The following PADI6 variants were observed in gnomAD, a reference collection of about 807,000 sequenced individuals.
PADI6 encodes the protein peptidyl arginine deiminase 6.
Under a neutral mutation model 78.2 loss-of-function variants are expected in PADI6, and 66 were observed. The ratio of observed to expected loss-of-function variants is 0.84; its 90% confidence interval spans 0.69 to 1.04. The LOEUF (loss-of-function observed/expected upper bound fraction) is 1.04, where lower values mean the gene tolerates loss of function less well. Ranked by LOEUF, PADI6 falls within the 50% of genes least tolerant of loss-of-function variation. The pLI is 0.00. For synonymous variants in PADI6, 397 were observed against 346.9 expected (o/e 1.14, Z -1.60); for missense variants, 854 against 866.1 (o/e 0.99, Z 0.18).
chr1:17,387,094 G>GA (rs541340775), intron 6 of PADI6, among the ~76,000 whole-genome samples: 243 of 152,372 alleles, frequency 1.6e-3, no homozygotes, highest in African/African-American at 5.6e-3. Context: ...GGCCAGGAAA[G>GA]AGGAAGTTCG....
At position 17,401,583 on chromosome 1, in the gene PADI6, G is replaced by A. The variant is rs923845311; in HGVS notation, c.*145G>A. ...TCCCTGTCTGCCCCGACCGACCCTC[G>A]GACCCAGTAGGATGGCAAATGCCGC... On this transcript the variant is annotated 3_prime_UTR_variant, in exon 16 of 16. Transcript: ENST00000619609. 43 of 724,324 alleles carry A rather than the reference G, an allele frequency of 5.9e-5. No individual in the cohort carries two copies. The highest frequency in any genetic ancestry group is 8.0e-5 in the Non-Finnish European group (36 of 447,920). 44.9% of individuals were successfully genotyped at this position (724,324 alleles called of 1,614,324 possible).
chr1:17,381,165 G>GT lies in PADI6; in HGVS notation c.553+2dup. On this transcript the variant is annotated splice_donor_variant, in intron 5 of 15. Coordinates refer to ENST00000619609, the MANE Select transcript of PADI6 (RefSeq NM_207421.4). LOFTEE classifies it high-confidence loss of function. ...ACCAAGAAAGTGATCTTTTCAGAGG[G>GT]TAGGACCTCAGACTGTCTCTGCCTT... is the stretch of plus-strand genomic sequence containing the variant. The GT allele has an allele frequency of 6.3e-7, 1 of 1,591,350 alleles. No individual in the cohort carries two copies. The highest frequency in any genetic ancestry group is 8.6e-7 in the Non-Finnish European group (1 of 1,168,288).
intron 3 of PADI6, among the ~76,000 whole-genome samples, chr1:17,378,560 A>G (rs901588645): frequency 6.6e-6 from 1 of 152,124 alleles, no homozygotes; most frequent in Non-Finnish European, 1.5e-5. Flanking sequence ...GACAGTCCCT[A>G]TGACAGTACC....
At chr1:17,394,541 C>A in intron 11 of PADI6, 87 bp downstream of exon 11, 2 of 1,395,210 alleles carry the variant, frequency 1.4e-6, no homozygotes, top group South Asian at 1.4e-5. Context: ...AGCACCTCAG[C>A]AGGTCACACA....
chr1:17,397,601 T>C (rs2100326134), intron 14 of PADI6, among the ~76,000 whole-genome samples: 1 of 152,284 alleles, frequency 6.6e-6, no homozygotes, highest in East Asian at 1.9e-4. Context: ...ATTATCCAGG[T>C]TCCTAGCTGA....
intron 2 of PADI6, among the ~76,000 whole-genome samples, chr1:17,373,825 C>T (rs1054296724): frequency 1.3e-5 from 2 of 152,126 alleles, no homozygotes; most frequent in Non-Finnish European, 2.9e-5. Context: ...AACTAAGGCA[C>T]AGAGTGCTGT....
chr1:17,390,651 A>G (rs999384698), intron 8 of PADI6, among the ~76,000 whole-genome samples: 4 of 151,458 alleles, frequency 2.6e-5, no homozygotes, highest in African/African-American at 9.7e-5. Context: ...GTGGGTGTAG[A>G]AGCCAGACAG....
intron 1 of PADI6, 132 bp downstream of exon 1, chr1:17,372,493 G>A (rs1455776668): frequency 2.4e-6 from 2 of 833,180 alleles, no homozygotes; most frequent in African/African-American, 3.4e-5. Context: ...GGAAGCCTTG[G>A]GTCTCTAGTG....
At position 17,397,243 on chromosome 1, in the gene PADI6, G is replaced by T. The variant is rs12129196; in HGVS notation, c.1689+102G>T. The stretch of plus-strand genomic sequence containing the variant: ...CCTCCTGAGGGGTGAAGTGTTGGGC[G>T]GCGGGGGGCAGCTGCCTGCCACCCT... On this transcript the variant is annotated intron_variant, in intron 14 of 15. Coordinates refer to ENST00000619609, the MANE Select transcript of PADI6 (RefSeq NM_207421.4). 2.4e-5 allele frequency: 32 copies of T among 1,309,240 alleles called. No individual in the cohort carries two copies. In the South Asian group the frequency reaches 4.1e-4, roughly 17 times the overall value. The allele number at this position is 1,309,240 out of a possible 1,614,324, so 81.1% of individuals were successfully genotyped here. A position where few individuals can be genotyped will look rare whatever the true frequency, so the allele number is the denominator to read the frequency against.
chr1:17,398,674 A>ACCCCC lies in PADI6; in HGVS notation c.1690-9_1690-8insCCCCC. On this transcript the variant is annotated splice_polypyrimidine_tract_variant and intron_variant, in intron 14 of 15. Transcript: ENST00000619609. ...CCCCCGCCCCCCCCCCCACCCACCC[A>ACCCCC]CCCACCCACAGAAGTGCATTCACCT... 2 of 93,248 alleles carry ACCCCC rather than the reference A, an allele frequency of 2.1e-5. No homozygotes were observed. Among genetic ancestry groups the ACCCCC allele is most frequent in the South Asian group, 6.5e-5 (1 of 15,438 alleles). The allele number at this position is 93,248 out of a possible 1,614,324, so 5.8% of individuals were successfully genotyped here. A position where few individuals can be genotyped will look rare whatever the true frequency, so the allele number is the denominator to read the frequency against.
chr1:17,372,396 C>A, intron 1 of PADI6, 35 bp downstream of exon 1: 1 of 1,592,066 alleles, frequency 6.3e-7, no homozygotes, highest in Non-Finnish European at 8.6e-7. Flanking sequence ...AGGTGGCAGG[C>A]AGACAGGCAG....
chr1:17,378,247 C>T (rs886189518), intron 3 of PADI6, among the ~76,000 whole-genome samples: 6 of 152,172 alleles, frequency 3.9e-5, no homozygotes, highest in Non-Finnish European at 5.9e-5. Context: ...TACCTGCTTG[C>T]CCCACCCCTG....
At chr1:17,399,272 G>C (rs1434930802) in intron 15 of PADI6, among the ~76,000 whole-genome samples, 1 of 152,210 alleles carries the variant, frequency 6.6e-6, no homozygotes, top group Non-Finnish European at 1.5e-5. Flanking sequence ...CAGGGCAGCA[G>C]TGTCTGATAC....
chr1:17,400,607 C>T (rs1257011611), intron 15 of PADI6, among the ~76,000 whole-genome samples: 4 of 152,208 alleles, frequency 2.6e-5, no homozygotes, highest in African/African-American at 7.2e-5. Flanking sequence ...GAGGTCCTGG[C>T]TTCACCAAGC....
rs78079997 is a variant in PADI6, at chr1:17,373,349, C to T, written c.294+116C>T. ...AGCCTGGGAAACACGTTGTTTTGCA[C>T]GTCTGATCTCATCCAGTGTCTGCAA... On this transcript the variant is annotated intron_variant, in intron 2 of 15. Coordinates refer to ENST00000619609, the MANE Select transcript of PADI6 (RefSeq NM_207421.4). 2.0e-3 allele frequency: 2,433 copies of T among 1,218,194 alleles called. 40 individuals are homozygous for T. The African/African-American group carries it at 0.029, about 15-fold the overall frequency. 75.5% of individuals were successfully genotyped at this position (1,218,194 alleles called of 1,614,324 possible).
intron 8 of PADI6, 65 bp downstream of exon 8, chr1:17,388,945 T>G: frequency 7.7e-7 from 1 of 1,303,190 alleles, no homozygotes; most frequent in Non-Finnish European, 1.1e-6. Context: ...TCTTTCTATA[T>G]GCAGGGCAGG....
intron 8 of PADI6, among the ~76,000 whole-genome samples, chr1:17,390,442 A>G (rs773709279): frequency 6.6e-6 from 1 of 152,142 alleles, no homozygotes; most frequent in Admixed American, 6.6e-5. Flanking sequence ...TCTACTAAAA[A>G]TACAAAAAAC....
Position 17,398,831 on chromosome 1 carries a change from C to T in PADI6, c.1835C>T (p.Pro612Leu), listed in dbSNP as rs371023394. Residue 612 changes from proline to leucine, a missense_variant, in exon 15 of 16, where the codon CCA becomes CTA. Coordinates refer to ENST00000619609, the MANE Select transcript of PADI6 (RefSeq NM_207421.4). ...DQQPKRSFAR[P>L]YFPDLLRMIV... ...CAGCCCAAGAGGTCCTTTGCGAGGCCATACTTCCCTGACCTGGTGAGGGGC... is the reference window on the plus strand; with the variant it reads ...CAGCCCAAGAGGTCCTTTGCGAGGCTATACTTCCCTGACCTGGTGAGGGGC... The T allele has an allele frequency of 6.2e-7, 1 of 1,613,438 alleles. No homozygotes were observed. Among genetic ancestry groups the T allele is most frequent in the South Asian group, 1.1e-5 (1 of 91,034 alleles).
intron 6 of PADI6, among the ~76,000 whole-genome samples, chr1:17,384,611 A>C (rs1421936067): frequency 6.6e-6 from 1 of 152,072 alleles, no homozygotes; most frequent in East Asian, 1.9e-4. Context: ...TGGTGGCTTT[A>C]GCTTGTAATC....
Sources: allele counts gnomAD v4.1 joint callset (sites outside exome capture counted in the v4.1 genomes callset), GRCh38; gene constraint gnomAD v4.1.1; transcripts MANE v1.5; gene names NCBI Gene and HGNC (gene_info 2026-07-23, HGNC 2026-07-21).